Variants in PACS2 observed in about 807,000 individuals in gnomAD.
PACS2 encodes phosphofurin acidic cluster sorting protein 2.
In PACS2, 36 loss-of-function variants were observed where a neutral mutation model predicts 113.0. The observed-to-expected ratio is 0.32, with a 90% CI of 0.24 to 0.42. The LOEUF is 0.42. PACS2 is among the 10% of genes least tolerant of loss of function. PACS2 has a pLI of 1.00. For synonymous variants in PACS2, 589 were observed against 536.1 expected (o/e 1.10, Z -1.36); for missense variants, 1,015 against 1,239.5 (o/e 0.82, Z 2.72).
intron 23 of PACS2, 42 bp downstream of exon 23, chr14:105,392,887 C>A (rs376850045): frequency 3.4e-6 from 5 of 1,476,348 alleles, no homozygotes; most frequent in Non-Finnish European, 3.7e-6. Context: ...CGCAGAAGGG[C>A]GGCTCTGTGG....
In PACS2 at chr14:105,394,849, T is replaced by C. The variant is rs897267067; in HGVS notation, c.*177T>C. 6 of 601,428 alleles carry C rather than the reference T, an allele frequency of 1.0e-5. No individual in the cohort carries two copies. The highest frequency in any genetic ancestry group is 1.8e-5 in the Non-Finnish European group (6 of 332,124). 37.3% of individuals were successfully genotyped at this position (601,428 alleles called of 1,614,324 possible). ...GGGGGAGCTCCTGCCAGGAGCCGAATAACTGCTCTGCTTATTAACCCGAAC... is the reference window on the plus strand; with the variant it reads ...GGGGGAGCTCCTGCCAGGAGCCGAACAACTGCTCTGCTTATTAACCCGAAC... On this transcript the variant is annotated 3_prime_UTR_variant, in exon 25 of 25. Transcript: ENST00000447393.
chr14:105,352,966 CA>C (rs1555404452), intron 3 of PACS2, among the ~76,000 whole-genome samples: 9 of 127,926 alleles, frequency 7.0e-5, no homozygotes, highest in Admixed American at 2.3e-4. Context: ...GGGAGACGGG[CA>C]CCCCTCATCA....
In PACS2 at chr14:105,376,690, ACT is replaced by A; in HGVS notation, c.802-75_802-74del. The A allele has an allele frequency of 2.1e-6, 3 of 1,414,222 alleles. No individual in the cohort carries two copies. Among genetic ancestry groups the A allele is most frequent in the Non-Finnish European group, 2.9e-6 (3 of 1,022,148 alleles). The allele number at this position is 1,414,222 out of a possible 1,614,324, so 87.6% of individuals were successfully genotyped here. On this transcript the variant is annotated intron_variant, in intron 8 of 24. Transcript: ENST00000447393. The surrounding 1 kb of genome is among the most constrained non-coding windows in gnomAD (Gnocchi z 4.7). Reference sequence around the variant, plus strand: ...TGCCCGCCTCCTATTGCTCCTGCAGACTCTGGGGTCTCGGGCGCCCCCAGTGG... The same window carrying A: ...TGCCCGCCTCCTATTGCTCCTGCAGACTGGGGTCTCGGGCGCCCCCAGTGG...
upstream of PACS2, among the ~76,000 whole-genome samples, chr14:105,311,509 C>A (rs140623059): frequency 0.02 from 2,995 of 152,284 alleles, 96 homozygotes; most frequent in African/African-American, 0.069. Flanking sequence ...TGCGCTTTGG[C>A]CTCCCAAAGT....
At chr14:105,392,892 C>G in intron 23 of PACS2, 47 bp downstream of exon 23, 1 of 1,450,036 alleles carries the variant, frequency 6.9e-7, no homozygotes, top group Non-Finnish European at 9.5e-7. Context: ...AAGGGCGGCT[C>G]TGTGGGAGAG....
chr14:105,333,092 G>C (rs2059366025), intron 1 of PACS2, among the ~76,000 whole-genome samples: 1 of 149,048 alleles, frequency 6.7e-6, no homozygotes, highest in African/African-American at 2.6e-5. Context: ...ACTGGCGTGG[G>C]TGTGAGAGAG....
intron 16 of PACS2, 69 bp downstream of exon 16, chr14:105,383,582 G>A: frequency 6.8e-7 from 1 of 1,469,288 alleles, no homozygotes; most frequent in African/African-American, 1.4e-5. Flanking sequence ...GCATGGAGTG[G>A]TGTGGCGTGG....
In PACS2 at chr14:105,323,938, C is replaced by G. The variant is rs977348531; in HGVS notation, c.119+8901C>G. Among the ~76,000 whole-genome samples, 2 of 152,244 alleles carry G rather than the reference C, an allele frequency of 1.3e-5. No homozygotes were observed. Among genetic ancestry groups the G allele is most frequent in the Admixed American group, 6.5e-5 (1 of 15,290 alleles). ...GCACGGTGCGTGCACACCGCTCTGT[C>G]CGCGCAGGCTGTGCCCTGCTTTCAA... On this transcript the variant is annotated intron_variant, in intron 1 of 24. Transcript: ENST00000447393. The surrounding 1 kb of genome is among the most constrained non-coding windows in gnomAD (Gnocchi z 4.1).
intron 15 of PACS2, 78 bp from the exon 16 acceptor site, chr14:105,383,279 TCA>T (rs1451941456): frequency 6.5e-7 from 1 of 1,528,098 alleles, no homozygotes; most frequent in East Asian, 2.2e-5. Flanking sequence ...CCCCCTGGGC[TCA>T]CACTGGCATC....
At chr14:105,303,541 C>T (rs907432749) in intron 1 of PACS2, among the ~76,000 whole-genome samples, 2 of 152,198 alleles carry the variant, frequency 1.3e-5, no homozygotes, top group African/African-American at 4.8e-5. Flanking sequence ...TCGCGCCTGG[C>T]CTTTTCCTAG....
Position 105,314,809 on chromosome 14 carries a change from C to A in PACS2, c.-110C>A. Reference sequence around the variant, plus strand: ...GGGCCCGGCCCGTCCCCTCCGCCGCCCGGCAGCCATGTGACCGCGCCGCCG... The same window carrying A: ...GGGCCCGGCCCGTCCCCTCCGCCGCACGGCAGCCATGTGACCGCGCCGCCG... On this transcript the variant is annotated 5_prime_UTR_variant, in exon 1 of 25. Transcript: ENST00000447393. The A allele has an allele frequency of 3.4e-6, 1 of 292,338 alleles. No individual in the cohort carries two copies. The highest frequency in any genetic ancestry group is 5.0e-6 in the Non-Finnish European group (1 of 199,848). 18.1% of individuals were successfully genotyped at this position (292,338 alleles called of 1,614,324 possible).
chr14:105,355,318 G>A lies in PACS2; in HGVS notation c.423+141G>A, dbSNP rs938930899. On this transcript the variant is annotated intron_variant, in intron 4 of 24. Transcript: ENST00000447393. This position sits in a 1 kb window ranked among gnomAD's most constrained non-coding sequence, Gnocchi z 4.1. ...AATGATGAGAGGAGCCTGGGCGGCC[G>A]GGCTCCGCCATAAGGGCCAGGTGCG... The A allele has an allele frequency of 4.8e-6, 5 of 1,050,074 alleles. No individual in the cohort carries two copies. The Admixed American group carries it at 1.2e-4, about 25-fold the overall frequency. The allele number at this position is 1,050,074 out of a possible 1,614,324, so 65.0% of individuals were successfully genotyped here.
chr14:105,347,973 G>A (rs1430265395), intron 1 of PACS2, among the ~76,000 whole-genome samples: 1 of 152,210 alleles, frequency 6.6e-6, no homozygotes, highest in African/African-American at 2.4e-5. Flanking sequence ...CAGCACTCCT[G>A]TGGCCTCAGG....
Position 105,329,105 on chromosome 14 carries a change from G to A in PACS2, c.119+14068G>A, listed in dbSNP as rs1454092884. Among the ~76,000 whole-genome samples, 4 of 152,202 alleles carry A rather than the reference G, an allele frequency of 2.6e-5. No individual in the cohort carries two copies. The highest frequency in any genetic ancestry group is 6.5e-5 in the Admixed American group (1 of 15,274). ...AGGACTCCCTGGAGGCTGGCCCTGC[G>A]CCCTGGAGGCCAGCATGGCCCTGGT... On this transcript the variant is annotated intron_variant, in intron 1 of 24. Coordinates refer to ENST00000447393, the MANE Select transcript of PACS2 (RefSeq NM_001100913.3). This position sits in a 1 kb window ranked among gnomAD's most constrained non-coding sequence, Gnocchi z 6.4.
intron 1 of PACS2, among the ~76,000 whole-genome samples, chr14:105,341,290 G>A (rs138135724): frequency 6.6e-6 from 1 of 152,216 alleles, no homozygotes; most frequent in Non-Finnish European, 1.5e-5. Context: ...CTGGGATTCG[G>A]ATTCAAGTCG....
intron 17 of PACS2, 126 bp from the exon 18 acceptor site, chr14:105,384,752 AC>A: frequency 1.5e-6 from 1 of 679,676 alleles, no homozygotes; most frequent in African/African-American, 1.8e-5. Context: ...CTCAGCTGCA[AC>A]CAGCGAGCCC....
At position 105,392,733 on chromosome 14, in the gene PACS2, G is replaced by T; in HGVS notation, c.2370G>T (p.Thr790=). The change falls in exon 23 of 25, where the codon ACG becomes ACT. Residue 790 remains threonine (T), a synonymous_variant. Coordinates refer to ENST00000447393, the MANE Select transcript of PACS2 (RefSeq NM_001100913.3). ...AGGACCTGCCTGTCACCAAAAACAC[G>T]CTCAAGTGCACTTTCCGGTCCCTCC... The part of the protein sequence containing the change: ...EKKDLPVTKN[T]LKCTFRSLQV... 1 of 1,612,880 alleles carries T rather than the reference G, an allele frequency of 6.2e-7. No individual in the cohort carries two copies. Among genetic ancestry groups the T allele is most frequent in the Non-Finnish European group, 8.5e-7 (1 of 1,179,994 alleles).
In PACS2 at chr14:105,315,192, G is replaced by C. The variant is rs1003474663; in HGVS notation, c.119+155G>C. ...CGCCGGTTCGACGCGTGCAGCCGCC[G>C]CCCCCCCGCAGCTCCGGCAAGCGCG... On this transcript the variant is annotated intron_variant, in intron 1 of 24. Coordinates refer to ENST00000447393, the MANE Select transcript of PACS2 (RefSeq NM_001100913.3). The surrounding 1 kb of genome is among the most constrained non-coding windows in gnomAD (Gnocchi z 4.4). 3.3e-3 allele frequency: 955 copies of C among 290,372 alleles called. 1 individual carries two copies. The highest frequency in any genetic ancestry group is 4.1e-3 in the Admixed American group (66 of 15,970). 18.0% of individuals were successfully genotyped at this position (290,372 alleles called of 1,614,324 possible).
chr14:105,373,345 A>G (rs2061228494), intron 8 of PACS2, among the ~76,000 whole-genome samples: 1 of 152,238 alleles, frequency 6.6e-6, no homozygotes, highest in South Asian at 2.1e-4. Context: ...AATCCTGACC[A>G]TGTGGGGCTG....
Sources: gnomAD v4.1 joint callset for allele counts (sites outside exome capture counted in the v4.1 genomes callset) on GRCh38, gnomAD v4.1.1 for gene constraint, Gnocchi (gnomAD v3.1) non-coding constraint, MANE v1.5 for transcripts, NCBI Gene and HGNC (gene_info 2026-07-23, HGNC 2026-07-21) for gene names.